ZC3H7B: variants seen among roughly 807,000 people sequenced by gnomAD.
The protein encoded by ZC3H7B is zinc finger CCCH-type containing 7B.
A neutral mutation model predicts 116.0 loss-of-function variants in ZC3H7B; 35 were observed. That is an observed-to-expected ratio of 0.30 (90% CI 0.23 to 0.40). The LOEUF (loss-of-function observed/expected upper bound fraction) is 0.40. Ranked by LOEUF, ZC3H7B falls within the 10% of genes least tolerant of loss-of-function variation. The probability of loss-of-function intolerance (pLI) is 1.00; values close to 1 mark genes in which losing one functional copy is unlikely to be tolerated. For missense variants in ZC3H7B, 1,011 were observed against 1,321.5 expected (o/e 0.77, Z 3.64); for synonymous variants, 502 against 545.6 (o/e 0.92, Z 1.11).
At chr22:41,348,924 G>T (rs1198428942) in intron 15 of ZC3H7B, among the ~76,000 whole-genome samples, 196 bp from the exon 16 acceptor site, 1 of 152,082 alleles carries the variant, frequency 6.6e-6, no homozygotes, top group Non-Finnish European at 1.5e-5. Flanking sequence ...GTAAAGCAGC[G>T]CTGGGACCCA....
Position 41,338,274 on chromosome 22 carries a change from C to CGGTGCTGGGTGCTGGGA in ZC3H7B, c.583-39_583-38insGGTGCTGGGTGCTGGGA. ...TGGTGCTGGGTGCTGGGATCGGGGC[C>CGGTGCTGGGTGCTGGGA]TTCCCAGCCACAGCGCCACTGTGGC... is the stretch of plus-strand genomic sequence containing the variant. On this transcript the variant is annotated intron_variant, in intron 7 of 22. Transcript: ENST00000352645. This position sits in a 1 kb window ranked among gnomAD's most constrained non-coding sequence, Gnocchi z 4.5. The CGGTGCTGGGTGCTGGGA allele has an allele frequency of 6.2e-7, 1 of 1,607,110 alleles. No individual in the cohort carries two copies. The highest frequency in any genetic ancestry group is 1.3e-5 in the African/African-American group (1 of 74,952).
intron 1 of ZC3H7B, among the ~76,000 whole-genome samples, chr22:41,311,257 G>A (rs1452939563): frequency 6.6e-6 from 1 of 151,856 alleles, no homozygotes; most frequent in African/African-American, 2.4e-5. Flanking sequence ...AGAGGTGGCC[G>A]TGCTTGTGGA....
intron 14 of ZC3H7B, among the ~76,000 whole-genome samples, chr22:41,347,006 C>A (rs1435666559): frequency 1.3e-5 from 2 of 151,548 alleles, no homozygotes; most frequent in African/African-American, 4.9e-5. Context: ...ATCGTCACGG[C>A]AGTGCTGGCA....
At position 41,340,105 on chromosome 22, in the gene ZC3H7B, G is replaced by A. The variant is rs776780190; in HGVS notation, c.1106G>A (p.Arg369Gln). 2.5e-6 allele frequency: 4 copies of A among 1,610,628 alleles called. No individual in the cohort carries two copies. The highest frequency in any genetic ancestry group is 2.7e-5 in the African/African-American group (2 of 74,902). The change falls in exon 10 of 23, where the codon CGA becomes CAA. Residue 369 changes from arginine (R) to glutamine (Q), a missense_variant. Arg to Gln is a conservative substitution (Grantham distance 43). Around this residue, in one of 5 missense-constraint regions of ZC3H7B, gnomAD observed 99 missense variants for 89.5 expected, o/e 1.11. Transcript: ENST00000352645. ...LDALDSFGSTRGSLDKPDSFM... is the reference protein window; with the variant it reads ...LDALDSFGSTQGSLDKPDSFM... Reference sequence around the variant, plus strand: ...GCACTCGACAGCTTTGGGTCGACACGAGGCTCCCTGGACAAACCTGACTCC... The same window carrying A: ...GCACTCGACAGCTTTGGGTCGACACAAGGCTCCCTGGACAAACCTGACTCC...
intron 7 of ZC3H7B, chr22:41,333,586 A>G (rs2036409211): frequency 6.6e-6 from 1 of 152,176 alleles, no homozygotes; most frequent in South Asian, 2.1e-4. Context: ...AGATCGCGCC[A>G]TTACACTCCA....
chr22:41,338,400 A>G lies in ZC3H7B; in HGVS notation c.625+45A>G. The G allele has an allele frequency of 6.2e-7, 1 of 1,605,610 alleles. No homozygotes were observed. Among genetic ancestry groups the G allele is most frequent in the Non-Finnish European group, 8.5e-7 (1 of 1,175,548 alleles). On this transcript the variant is annotated intron_variant, in intron 8 of 22. Coordinates refer to ENST00000352645, the MANE Select transcript of ZC3H7B (RefSeq NM_017590.6). This position sits in a 1 kb window ranked among gnomAD's most constrained non-coding sequence, Gnocchi z 4.5. ...GGAACAAGTGGAAATTGGGGCCCCG[A>G]GAGGTCAGGGGAGTCGAGCCCCCTC...
chr22:41,311,508 G>A (rs2036118497), intron 1 of ZC3H7B, among the ~76,000 whole-genome samples: 1 of 152,110 alleles, frequency 6.6e-6, no homozygotes, highest in Admixed American at 6.6e-5. Flanking sequence ...AGGATGAGTA[G>A]GAGTTGGGAA....
At chr22:41,350,447 G>T (rs371954206) in intron 16 of ZC3H7B, among the ~76,000 whole-genome samples, 5 of 151,940 alleles carry the variant, frequency 3.3e-5, no homozygotes, top group African/African-American at 1.2e-4. Flanking sequence ...CGAGGAGCAA[G>T]GGCAGAAGCC....
intron 1 of ZC3H7B, among the ~76,000 whole-genome samples, chr22:41,303,348 G>A (rs1441770804): frequency 2.0e-5 from 3 of 152,160 alleles, no homozygotes; most frequent in Admixed American, 1.3e-4. Context: ...CTTAGCTGCT[G>A]GCTTTTGTAT....
rs2036477036 is a variant in ZC3H7B, at chr22:41,338,745, T to C, written c.626-256T>C. Among the ~76,000 whole-genome samples, 1 of 152,038 alleles carries C rather than the reference T, an allele frequency of 6.6e-6. No individual in the cohort carries two copies. Among genetic ancestry groups the C allele is most frequent in the South Asian group, 2.1e-4 (1 of 4,826 alleles). ...CCCCAGAAGAAGGAGGCAGCAGTGG[T>C]GGACATTTAGGCATTGAGCCTGGGC... On this transcript the variant is annotated intron_variant, in intron 8 of 22. Transcript: ENST00000352645. The surrounding 1 kb of genome is among the most constrained non-coding windows in gnomAD (Gnocchi z 4.5).
chr22:41,330,141 C>T (rs200921857), intron 6 of ZC3H7B, 38 bp downstream of exon 6: 18 of 1,609,190 alleles, frequency 1.1e-5, no homozygotes, highest in Admixed American at 3.3e-5. Flanking sequence ...TCGGTGTGGA[C>T]GTGAGGAGGT....
intron 1 of ZC3H7B, among the ~76,000 whole-genome samples, chr22:41,306,483 C>T (rs1371344175): frequency 6.6e-6 from 1 of 151,322 alleles, no homozygotes; most frequent in African/African-American, 2.4e-5. Context: ...AAGTGATCCT[C>T]CTGCCTCAGC....
rs2036701737 is a variant in ZC3H7B, at chr22:41,355,459, C to A, written c.2035-10C>A. 1.2e-6 allele frequency: 2 copies of A among 1,613,314 alleles called. No individual in the cohort carries two copies. Among genetic ancestry groups the A allele is most frequent in the South Asian group, 1.1e-5 (1 of 90,998 alleles). On this transcript the variant is annotated splice_polypyrimidine_tract_variant and intron_variant, in intron 17 of 22. Transcript: ENST00000352645. ...CAGCTTCACCAACCCCCCTCCCCAT[C>A]CCCCCACAGGGTGCTCCGAGGACAC...
At chr22:41,307,989 A>G (rs929273796) in intron 1 of ZC3H7B, among the ~76,000 whole-genome samples, 1 of 152,140 alleles carries the variant, frequency 6.6e-6, no homozygotes, top group Non-Finnish European at 1.5e-5. Context: ...GTCTCTCATT[A>G]ATTGTCATGA....
chr22:41,330,301 C>T (rs1309595798), intron 6 of ZC3H7B, among the ~76,000 whole-genome samples, 198 bp downstream of exon 6: 1 of 152,264 alleles, frequency 6.6e-6, no homozygotes, highest in Non-Finnish European at 1.5e-5. Flanking sequence ...GCCACCGCTT[C>T]TAGCTCACTT....
intron 4 of ZC3H7B, among the ~76,000 whole-genome samples, chr22:41,326,183 T>C (rs2036315628): frequency 6.6e-6 from 1 of 152,212 alleles, no homozygotes; most frequent in Non-Finnish European, 1.5e-5. Flanking sequence ...CTGCCCTAGA[T>C]GAAGTAAGTT....
intron 1 of ZC3H7B, among the ~76,000 whole-genome samples, chr22:41,310,130 G>T (rs888701522): frequency 6.6e-6 from 1 of 152,144 alleles, no homozygotes; most frequent in Non-Finnish European, 1.5e-5. Flanking sequence ...GTGTGAACCC[G>T]GGAGGCGGAG....
chr22:41,340,399 C>G (rs890798507), intron 10 of ZC3H7B, among the ~76,000 whole-genome samples: 1 of 152,056 alleles, frequency 6.6e-6, no homozygotes, highest in Non-Finnish European at 1.5e-5. Context: ...GTCTGGTGCT[C>G]CCTGCCCAGC....
intron 14 of ZC3H7B, 68 bp from the exon 15 acceptor site, chr22:41,347,999 G>C: frequency 7.3e-7 from 1 of 1,368,632 alleles, no homozygotes; most frequent in Non-Finnish European, 1.0e-6. Flanking sequence ...AGCTAGCTGT[G>C]TGGGGTCCCA....
Sources: gnomAD v4.1 joint callset for allele counts (sites outside exome capture counted in the v4.1 genomes callset) on GRCh38, gnomAD v4.1.1 for gene constraint, gnomAD v4.1.1 regional missense constraint, Gnocchi (gnomAD v3.1) non-coding constraint, MANE v1.5 for transcripts, NCBI Gene and HGNC (gene_info 2026-07-23, HGNC 2026-07-21) for gene names.